Variants in LRCH2 observed in about 807,000 individuals in gnomAD.
The protein encoded by LRCH2 is leucine rich repeats and calponin homology domain containing 2, also known as leucine-rich repeat and calponin homology domain-containing protein 2.
Under a neutral mutation model 68.9 loss-of-function variants are expected in LRCH2, and 38 were observed. The observed-to-expected ratio is 0.55, with a 90% confidence interval of 0.43 to 0.72. The LOEUF (loss-of-function observed/expected upper bound fraction) is 0.72. Among genes scored for constraint, LRCH2 ranks in the 30% least tolerant of loss-of-function variants. The pLI, the probability that LRCH2 is intolerant of heterozygous loss-of-function variation, is 0.00. For missense variants in LRCH2, 528 were observed against 572.9 expected, an observed-to-expected ratio of 0.92 and a Z score of 0.80; for synonymous variants, 191 against 208.1, an observed-to-expected ratio of 0.92 and a Z score of 0.71.
chrX:115,224,346 T>C (rs2073104725), intron 1 of LRCH2, among the ~76,000 whole-genome samples: 1 of 111,216 alleles, frequency 9.0e-6, no homozygotes, highest in Non-Finnish European at 1.9e-5. Context: ...ATACTTTAAA[T>C]TGGTCCACTT....
At chrX:115,199,095 G>A (rs782061160) in intron 1 of LRCH2, among the ~76,000 whole-genome samples, 2 of 112,007 alleles carry the variant, frequency 1.8e-5, no homozygotes, top group African/African-American at 6.5e-5. Context: ...AAACGTGGAA[G>A]TAAAAGCGAT....
chrX:115,226,871 C>T (rs782369499), intron 1 of LRCH2, among the ~76,000 whole-genome samples: 2 of 111,306 alleles, frequency 1.8e-5, no homozygotes, highest in South Asian at 7.6e-4. Flanking sequence ...CTCTAAAGGC[C>T]AATCCTCCAA....
intron 20 of LRCH2, among the ~76,000 whole-genome samples, chrX:115,117,523 C>T (rs1278016411): frequency 1.8e-5 from 2 of 111,234 alleles, no homozygotes; most frequent in African/African-American, 3.3e-5. Flanking sequence ...GTAGCAGCCG[C>T]TAAAACTGGA....
intron 14 of LRCH2, among the ~76,000 whole-genome samples, 168 bp downstream of exon 14, chrX:115,149,659 C>T (rs952066072): frequency 7.2e-5 from 8 of 111,174 alleles, no homozygotes; most frequent in African/African-American, 2.3e-4. Context: ...ATTACTGAAA[C>T]CTTATGGATA....
chrX:115,179,522 T>A lies in LRCH2; in HGVS notation c.769A>T (p.Asn257Tyr). Residue 257 changes from asparagine (N) to tyrosine (Y), a missense_variant, in exon 5 of 21, where the codon AAT becomes TAT. Coordinates refer to ENST00000317135, the MANE Select transcript of LRCH2 (RefSeq NM_020871.4). The part of the protein sequence containing the change: ...LPLVKLDFSC[N>Y]KVTEIPVCYR... ...CAAACTGGAATTTCGGTCACTTTAT[T>A]ACAAGAGAAATCCAGCTTGACTAAG... The A allele has an allele frequency of 8.7e-7, 1 of 1,146,484 alleles. No individual in the cohort carries two copies. Among genetic ancestry groups the A allele is most frequent in the Non-Finnish European group, 1.2e-6 (1 of 864,249 alleles). 94.5% of individuals were successfully genotyped at this position (1,146,484 alleles called of 1,213,427 possible).
intron 1 of LRCH2, among the ~76,000 whole-genome samples, chrX:115,201,853 C>T (rs1393529948): frequency 9.0e-6 from 1 of 111,423 alleles, no homozygotes; most frequent in Non-Finnish European, 1.9e-5. Flanking sequence ...TTTCTAAATA[C>T]CAATAATGAT....
At chrX:115,188,508 ACCTTG>A in intron 1 of LRCH2, 138 bp from the exon 2 acceptor site, 1 of 423,164 alleles carries the variant, frequency 2.4e-6, no homozygotes. Context: ...ATCCATCAAT[ACCTTG>A]AAGGCAAAAA....
intron 20 of LRCH2, among the ~76,000 whole-genome samples, chrX:115,115,272 T>C (rs148452596): frequency 1.0e-3 from 113 of 110,547 alleles, no homozygotes; most frequent in African/African-American, 3.0e-3. Context: ...ACAGAACAAA[T>C]GTGGAAGACT....
chrX:115,148,327 T>C (rs73223000), intron 14 of LRCH2, among the ~76,000 whole-genome samples: 1,344 of 111,739 alleles, frequency 0.012, 8 homozygotes, highest in Admixed American at 0.019. Flanking sequence ...AATGAGTTGA[T>C]CTTTGTGAAG....
At chrX:115,131,068 T>A (rs5988227) in intron 14 of LRCH2, among the ~76,000 whole-genome samples, 11,832 of 111,077 alleles carry the variant, frequency 0.11, 484 homozygotes, top group African/African-American at 0.12. Flanking sequence ...TAAATTTTTT[T>A]AAATTATTAT....
chrX:115,132,426 G>A (rs1212628127), intron 14 of LRCH2, among the ~76,000 whole-genome samples: 2 of 111,155 alleles, frequency 1.8e-5, no homozygotes, highest in Non-Finnish European at 3.8e-5. Flanking sequence ...GCTCTGTTCT[G>A]TTCCATTGGT....
intron 12 of LRCH2, among the ~76,000 whole-genome samples, chrX:115,151,411 G>C (rs1180522507): frequency 9.0e-6 from 1 of 110,765 alleles, no homozygotes; most frequent in Non-Finnish European, 1.9e-5. Flanking sequence ...AGGGGGAGGA[G>C]ACACAGTGAG....
At chrX:115,118,611 C>T (rs1438711762) in intron 20 of LRCH2, among the ~76,000 whole-genome samples, 1 of 110,754 alleles carries the variant, frequency 9.0e-6, no homozygotes, top group Non-Finnish European at 1.9e-5. Context: ...TGGTACCATT[C>T]CTTCTGAAAT....
At chrX:115,192,132 C>A (rs960544507) in intron 1 of LRCH2, 3 of 1,166,346 alleles carry the variant, frequency 2.6e-6, no homozygotes, top group African/African-American at 3.6e-5. Context: ...GCGACAGTTT[C>A]AGCAACAGCT....
At chrX:115,229,564 C>T (rs782532169) in intron 1 of LRCH2, among the ~76,000 whole-genome samples, 82 of 112,119 alleles carry the variant, frequency 7.3e-4, no homozygotes, top group South Asian at 1.8e-3. Flanking sequence ...TGCTGTAGAA[C>T]TTATCACTGA....
At chrX:115,159,776 A>C (rs2072504195) in intron 11 of LRCH2, among the ~76,000 whole-genome samples, 1 of 110,075 alleles carries the variant, frequency 9.1e-6, no homozygotes, top group Admixed American at 9.8e-5. Context: ...ATTCAACAAT[A>C]AACTGTAAAC....
intron 1 of LRCH2, among the ~76,000 whole-genome samples, chrX:115,197,001 C>G (rs1021646169): frequency 2.7e-5 from 3 of 110,662 alleles, no homozygotes; most frequent in African/African-American, 9.9e-5. Context: ...AACTTCACCA[C>G]AGGCCCCACC....
chrX:115,224,733 C>A (rs1446443631), intron 1 of LRCH2, among the ~76,000 whole-genome samples: 1 of 109,182 alleles, frequency 9.2e-6, no homozygotes, highest in African/African-American at 3.3e-5. Context: ...GATACAGAAG[C>A]CAAGGCCCTT....
intron 1 of LRCH2, among the ~76,000 whole-genome samples, chrX:115,223,636 C>T (rs2147366511): frequency 9.1e-6 from 1 of 110,407 alleles, no homozygotes; most frequent in African/African-American, 3.3e-5. Flanking sequence ...CTGACTCACG[C>T]TGGGCACGGT....
Sources: allele counts gnomAD v4.1 joint callset (sites outside exome capture counted in the v4.1 genomes callset), GRCh38; gene constraint gnomAD v4.1.1; transcripts MANE v1.5; gene names NCBI Gene and HGNC (gene_info 2026-07-23, HGNC 2026-07-21).